POMK: variants seen among roughly 807,000 people sequenced by gnomAD.
POMK encodes the protein protein O-mannose kinase.
POMK carries 19 observed loss-of-function variants against 23.0 expected under a neutral mutation model. The observed-to-expected ratio is 0.83, with a 90% CI of 0.58 to 1.21. The LOEUF (loss-of-function observed/expected upper bound fraction) is 1.21. POMK is among the 50% of genes most tolerant of loss of function. POMK has a pLI of 0.00. For missense variants in POMK, 410 were observed against 431.3 expected, an observed-to-expected ratio of 0.95 and a Z score of 0.44; for synonymous variants, 173 against 171.6, an observed-to-expected ratio of 1.01 and a Z score of -0.06.
At chr8:43,099,927 G>A (rs1312941075) in intron 2 of POMK, among the ~76,000 whole-genome samples, 1 of 152,150 alleles carries the variant, frequency 6.6e-6, no homozygotes, top group African/African-American at 2.4e-5. Context: ...GAGAAGGAGA[G>A]TGTGAGCTTC....
chr8:43,104,645 G>A (rs1190842690), intron 4 of POMK, among the ~76,000 whole-genome samples: 3 of 152,118 alleles, frequency 2.0e-5, no homozygotes, highest in Non-Finnish European at 4.4e-5. Context: ...ACGTGTATAT[G>A]TAGATAAATA....
In POMK at chr8:43,097,789, T is replaced by G. The variant is rs1056556581; in HGVS notation, c.-118+174T>G. On this transcript the variant is annotated intron_variant, in intron 2 of 4. Coordinates refer to ENST00000331373, the MANE Select transcript of POMK (RefSeq NM_032237.5). The stretch of plus-strand genomic sequence containing the variant: ...AGTCACACACACCTGGTCTGTAACT[T>G]GAGTGGGTGGTTGGGTCATGAGCCC... Among the ~76,000 whole-genome samples, 5 of 152,112 alleles carry G rather than the reference T, an allele frequency of 3.3e-5. No homozygotes were observed. The East Asian group carries it at 9.6e-4, about 29-fold the overall frequency.
rs1479394002 is a variant in POMK, at chr8:43,097,504, T to C, written c.-209-20T>C. The C allele has an allele frequency of 1.3e-5, 2 of 152,048 alleles. No individual in the cohort carries two copies. The highest frequency in any genetic ancestry group is 2.1e-4 in the South Asian group (1 of 4,832). 9.4% of individuals were successfully genotyped at this position (152,048 alleles called of 1,614,324 possible). A position where few individuals can be genotyped will look rare whatever the true frequency, so the allele number is the denominator to read the frequency against. On this transcript the variant is annotated intron_variant, in intron 1 of 4. Coordinates refer to ENST00000331373, the MANE Select transcript of POMK (RefSeq NM_032237.5). ...GAATGCTTATGATTTTTTTTTTCTC[T>C]GTGTGTGAAACACTTAAAGAAAAAG...
At chr8:43,103,401 T>G in intron 3 of POMK, 127 bp from the exon 4 acceptor site, 2 of 843,438 alleles carry the variant, frequency 2.4e-6, no homozygotes, top group Non-Finnish European at 3.8e-6. Flanking sequence ...CGATACCTGC[T>G]TTAATCCCCA....
At chr8:43,121,828 C>G (rs1371225736) in intron 4 of POMK, among the ~76,000 whole-genome samples, 1 of 152,244 alleles carries the variant, frequency 6.6e-6, no homozygotes, top group African/African-American at 2.4e-5. Flanking sequence ...CCAAAGCCTT[C>G]CAGCACCCTC....
chr8:43,120,604 C>T (rs1811894548), intron 4 of POMK, among the ~76,000 whole-genome samples: 1 of 151,876 alleles, frequency 6.6e-6, no homozygotes, highest in East Asian at 1.9e-4. Context: ...GAATGATCCT[C>T]CCACCTCAGC....
At chr8:43,113,617 G>A (rs1310168862) in intron 4 of POMK, among the ~76,000 whole-genome samples, 2 of 152,238 alleles carry the variant, frequency 1.3e-5, no homozygotes, top group African/African-American at 4.8e-5. Flanking sequence ...ACTCGTCAAA[G>A]TCATTCTCCG....
At chr8:43,099,616 T>A (rs999175480) in intron 2 of POMK, among the ~76,000 whole-genome samples, 7 of 152,202 alleles carry the variant, frequency 4.6e-5, no homozygotes, top group Non-Finnish European at 5.9e-5. Context: ...GCTTTGACTG[T>A]TGTGTTTAGT....
At chr8:43,117,992 C>A (rs912492610) in intron 4 of POMK, among the ~76,000 whole-genome samples, 6 of 152,086 alleles carry the variant, frequency 3.9e-5, no homozygotes, top group African/African-American at 1.4e-4. Context: ...ACTTAAATGT[C>A]CAGGTCTTTA....
intron 4 of POMK, among the ~76,000 whole-genome samples, chr8:43,104,258 G>T (rs896657366): frequency 1.3e-5 from 2 of 151,992 alleles, no homozygotes; most frequent in African/African-American, 4.8e-5. Flanking sequence ...GAGTAGCTGG[G>T]ACTATGGGCA....
chr8:43,107,573 C>T (rs1811569042), intron 4 of POMK, among the ~76,000 whole-genome samples: 1 of 152,046 alleles, frequency 6.6e-6, no homozygotes, highest in South Asian at 2.1e-4. Flanking sequence ...CAGGGTTTCA[C>T]CACGTTGGTC....
In POMK at chr8:43,122,511, C is replaced by T. The variant is rs751085294; in HGVS notation, c.687C>T (p.Asp229=). The change falls in exon 5 of 5, where the codon GAC becomes GAT. Residue 229 remains aspartate, a synonymous_variant. Transcript: ENST00000331373. The stretch of plus-strand genomic sequence containing the variant: ...TCAGCATTTTGGCAAATGACTTGGA[C>T]GCCTTACCCCTGGTGAACCACAGCT... ...SNFSILANDL[D]ALPLVNHSSG... 2.5e-5 allele frequency: 41 copies of T among 1,614,134 alleles called. No individual in the cohort carries two copies. Among genetic ancestry groups the T allele is most frequent in the Middle Eastern group, 3.3e-4 (2 of 6,062 alleles).
chr8:43,108,460 T>G (rs938905609), intron 4 of POMK, among the ~76,000 whole-genome samples: 3 of 152,228 alleles, frequency 2.0e-5, no homozygotes, highest in Non-Finnish European at 4.4e-5. Context: ...AGAAATCAAG[T>G]AGAAACAAAT....
intron 4 of POMK, among the ~76,000 whole-genome samples, chr8:43,104,426 C>T (rs1488304109): frequency 1.3e-5 from 2 of 152,116 alleles, no homozygotes; most frequent in Admixed American, 6.6e-5. Flanking sequence ...GGAAAAAAGT[C>T]AAATGCATAA....
At chr8:43,100,217 G>C (rs1811409872) in intron 2 of POMK, among the ~76,000 whole-genome samples, 1 of 152,150 alleles carries the variant, frequency 6.6e-6, no homozygotes, top group Non-Finnish European at 1.5e-5. Context: ...TTTGCCAATG[G>C]GGGCCTGGGC....
At chr8:43,113,590 G>C (rs1469246994) in intron 4 of POMK, among the ~76,000 whole-genome samples, 1 of 152,232 alleles carries the variant, frequency 6.6e-6, no homozygotes, top group Non-Finnish European at 1.5e-5. Context: ...TTGATTGTCT[G>C]AAGCCTTCTT....
chr8:43,099,398 G>A (rs1811394264), intron 2 of POMK, among the ~76,000 whole-genome samples: 1 of 152,246 alleles, frequency 6.6e-6, no homozygotes, highest in Admixed American at 6.5e-5. Context: ...TCAGCAGGCA[G>A]CGATGAAAAG....
In POMK at chr8:43,122,368, G is replaced by T. The variant is rs1437388420; in HGVS notation, c.544G>T (p.Ala182Ser). ...CACGTGGCAGCACAGGCTGGAGCTG[G>T]CCATGGACTATGTCAGCATCATTAA... The part of the protein sequence containing the change: ...VNTWQHRLEL[A>S]MDYVSIINYL... The change falls in exon 5 of 5, where the codon GCC becomes TCC. Residue 182 changes from alanine (A) to serine (S), a missense_variant. Coordinates refer to ENST00000331373, the MANE Select transcript of POMK (RefSeq NM_032237.5). 6.2e-7 allele frequency: 1 copy of T among 1,614,060 alleles called. No individual in the cohort carries two copies. Among genetic ancestry groups the T allele is most frequent in the Admixed American group, 1.7e-5 (1 of 60,010 alleles).
chr8:43,110,821 G>A (rs1185043859), intron 4 of POMK, among the ~76,000 whole-genome samples: 2 of 152,174 alleles, frequency 1.3e-5, no homozygotes, highest in Non-Finnish European at 2.9e-5. Flanking sequence ...GGCTGAGGCA[G>A]GAGAATTGCT....
Sources: gnomAD v4.1 joint callset for allele counts (sites outside exome capture counted in the v4.1 genomes callset) on GRCh38, gnomAD v4.1.1 for gene constraint, MANE v1.5 for transcripts, NCBI Gene and HGNC (gene_info 2026-07-23, HGNC 2026-07-21) for gene names.